The following TRIO variants were observed in gnomAD, a reference collection of about 807,000 sequenced individuals.
TRIO encodes triple functional domain protein.
A neutral mutation model predicts 351.9 loss-of-function variants in TRIO; 58 were observed. The observed-to-expected ratio is 0.16, with a 90% CI of 0.13 to 0.21. The LOEUF is 0.21. TRIO is among the 10% of genes least tolerant of loss of function. The pLI is 1.00. For synonymous variants in TRIO, 1,758 were observed against 1,595.7 expected (o/e 1.10, Z -2.42); for missense variants, 3,201 against 4,027.8 (o/e 0.79, Z 5.56).
Position 14,369,345 on chromosome 5 carries a change from T to C in TRIO, c.3067-29T>C, listed in dbSNP as rs761045820. On this transcript the variant is annotated intron_variant, in intron 17 of 56. Transcript: ENST00000344204. ...CCAGTCGGCAGTGGCAGATGCCAAG[T>C]CTGAGCCTCAAACTTTTCCTGCTCA... The C allele has an allele frequency of 2.5e-6, 4 of 1,580,380 alleles. No homozygotes were observed. The African/African-American group carries it at 4.1e-5, about 16-fold the overall frequency.
intron 1 of TRIO, among the ~76,000 whole-genome samples, chr5:14,161,221 A>G (rs769431100): frequency 3.3e-5 from 5 of 152,148 alleles, no homozygotes; most frequent in Admixed American, 6.5e-5. Flanking sequence ...CACATTTCTT[A>G]GTTGCAGATC....
chr5:14,229,615 A>G (rs898382087), intron 1 of TRIO, among the ~76,000 whole-genome samples: 7 of 152,170 alleles, frequency 4.6e-5, no homozygotes, highest in Admixed American at 3.3e-4. Context: ...TAGGAAGACA[A>G]CGTTCAAGGC....
At chr5:14,477,367 A>G (rs1433407266) in intron 41 of TRIO, 1 of 154,374 alleles carries the variant, frequency 6.5e-6, no homozygotes, top group Non-Finnish European at 1.4e-5. Context: ...TTTGGGAAAA[A>G]TCATGATATA....
intron 55 of TRIO, among the ~76,000 whole-genome samples, chr5:14,505,204 C>T (rs1057267614): frequency 7.9e-5 from 12 of 152,198 alleles, no homozygotes; most frequent in African/African-American, 2.7e-4. Context: ...CCCACAGGAG[C>T]GGTTCTCATC....
chr5:14,488,448 T>C, intron 48 of TRIO, 188 bp downstream of exon 48: 1 of 786,302 alleles, frequency 1.3e-6, no homozygotes, highest in South Asian at 2.0e-5. Flanking sequence ...CTCCTTGCTT[T>C]GTTCGTGTCT....
At chr5:14,348,706 TTA>T (rs1247251756) in intron 11 of TRIO, among the ~76,000 whole-genome samples, 7 of 145,472 alleles carry the variant, frequency 4.8e-5, no homozygotes, top group South Asian at 2.1e-4. Flanking sequence ...TCCTGCATGT[TTA>T]TGTGTGTGTA....
intron 6 of TRIO, among the ~76,000 whole-genome samples, chr5:14,293,630 C>G (rs1398785684): frequency 6.6e-6 from 1 of 152,202 alleles, no homozygotes; most frequent in Non-Finnish European, 1.5e-5. Context: ...TCAGCCTTGC[C>G]TGGGATCCCC....
At chr5:14,411,957 G>A (rs975755437) in intron 33 of TRIO, among the ~76,000 whole-genome samples, 31 of 151,278 alleles carry the variant, frequency 2.0e-4, no homozygotes, top group Non-Finnish European at 3.8e-4. Context: ...GGAGACATGA[G>A]GTTCTATGTG....
intron 33 of TRIO, among the ~76,000 whole-genome samples, chr5:14,408,422 T>C (rs191291856): frequency 1.3e-5 from 2 of 152,318 alleles, no homozygotes; most frequent in Admixed American, 1.3e-4. Context: ...AAAAAGAATT[T>C]CTCATTTTAT....
intron 37 of TRIO, chr5:14,466,126 T>A (rs533775999): frequency 1.9e-5 from 3 of 161,996 alleles, no homozygotes; most frequent in Admixed American, 5.8e-5. Context: ...ACTATTTGCC[T>A]TGGTCCCAGG....
At chr5:14,387,310 T>C in intron 21 of TRIO, 128 bp from the exon 22 acceptor site, 1 of 879,998 alleles carries the variant, frequency 1.1e-6, no homozygotes, top group Non-Finnish European at 1.7e-6. Context: ...GGGGCTTTGG[T>C]CTCAGTTTCT....
At chr5:14,343,331 A>C (rs1363195113) in intron 11 of TRIO, among the ~76,000 whole-genome samples, 1 of 152,216 alleles carries the variant, frequency 6.6e-6, no homozygotes, top group Non-Finnish European at 1.5e-5. Flanking sequence ...AACCACCATC[A>C]CTTTCAAGAT....
chr5:14,192,252 T>G (rs960358112), intron 1 of TRIO, among the ~76,000 whole-genome samples: 2 of 150,456 alleles, frequency 1.3e-5, no homozygotes, highest in Non-Finnish European at 3.0e-5. Context: ...CCCTTTTTTT[T>G]CCTTCTTCTT....
intron 27 of TRIO, among the ~76,000 whole-genome samples, chr5:14,392,909 G>C (rs374493885): frequency 1.3e-5 from 2 of 151,982 alleles, no homozygotes; most frequent in East Asian, 1.9e-4. Flanking sequence ...TTAGCCGAGC[G>C]TGGTGGCGGG....
At position 14,278,565 on chromosome 5, in the gene TRIO, A is replaced by G. The variant is rs535352005; in HGVS notation, c.233-1757A>G. On this transcript the variant is annotated intron_variant, in intron 2 of 56. Coordinates refer to ENST00000344204, the MANE Select transcript of TRIO (RefSeq NM_007118.4). ...TAGGTACTGTATTTTTAATAATTCA[A>G]GTTTCTGTAATATGTGTTGATCTAT... 2.0e-5 allele frequency among the ~76,000 whole-genome samples: 3 copies of G among 152,354 alleles called. No individual in the cohort carries two copies. In the East Asian group the frequency reaches 5.8e-4, roughly 29 times the overall value.
At chr5:14,156,366 G>A (rs1267227712) in intron 1 of TRIO, among the ~76,000 whole-genome samples, 1 of 152,148 alleles carries the variant, frequency 6.6e-6, no homozygotes, top group Non-Finnish European at 1.5e-5. Context: ...TTGCTACAGA[G>A]TTGTCCTTGC....
At chr5:14,148,149 A>G (rs1787623218) in intron 1 of TRIO, among the ~76,000 whole-genome samples, 1 of 152,252 alleles carries the variant, frequency 6.6e-6, no homozygotes, top group African/African-American at 2.4e-5. Context: ...ATGAAAATTT[A>G]AAGAAGCCAT....
chr5:14,386,361 G>C (rs1308333385), intron 21 of TRIO, among the ~76,000 whole-genome samples: 2 of 152,156 alleles, frequency 1.3e-5, no homozygotes, highest in Non-Finnish European at 2.9e-5. Context: ...GGGGTTATTT[G>C]TGTAGAGTCT....
intron 47 of TRIO, 70 bp from the exon 48 acceptor site, chr5:14,487,394 G>T: frequency 9.2e-7 from 1 of 1,083,720 alleles, no homozygotes; most frequent in East Asian, 6.9e-5. Flanking sequence ...GGTGGGCCCT[G>T]TTCCTCCCTC....
Sources: allele counts gnomAD v4.1 joint callset (sites outside exome capture counted in the v4.1 genomes callset), GRCh38; gene constraint gnomAD v4.1.1; transcripts MANE v1.5; gene names NCBI Gene and HGNC (gene_info 2026-07-23, HGNC 2026-07-21).